Variants in HSPA9 observed in about 807,000 individuals in gnomAD.
The protein encoded by HSPA9 is stress-70 protein, mitochondrial.
HSPA9 carries 28 observed loss-of-function variants against 81.5 expected under a neutral mutation model. The observed-to-expected ratio is 0.34, with a 90% confidence interval of 0.25 to 0.47. The LOEUF is 0.47. HSPA9 is among the 20% of genes least tolerant of loss of function. The pLI, the probability that HSPA9 is intolerant of heterozygous loss-of-function variation, is 1.00. For synonymous variants in HSPA9, 293 were observed against 290.4 expected, an observed-to-expected ratio of 1.01 and a Z score of -0.09; for missense variants, 678 against 838.0, an observed-to-expected ratio of 0.81 and a Z score of 2.36.
chr5:138,558,930 T>C (rs1457151661), intron 11 of HSPA9: 1 of 393,520 alleles, frequency 2.5e-6, no homozygotes, highest in South Asian at 2.3e-5. Context: ...TGTTGAAACA[T>C]GCTCATCTGG....
intron 2 of HSPA9, 88 bp downstream of exon 2, chr5:138,573,966 ATACAGATAAATAAT>A (rs1299706206): frequency 4.8e-6 from 6 of 1,241,786 alleles, no homozygotes; most frequent in Non-Finnish European, 7.0e-6. Flanking sequence ...CTCTAAATAA[ATACAGATAAATAAT>A]TACAGAGAAG....
rs1006688878 is a variant in HSPA9, at chr5:138,555,486, G to A, written c.*551C>T. ...AAAGGTCTAGCCTCATTCCTACCTT[G>A]TTTTAATAGCTGTACCTAATATAAA... On this transcript the variant is annotated 3_prime_UTR_variant, in exon 17 of 17. Transcript: ENST00000297185. 6.2e-6 allele frequency: 1 copy of A among 162,352 alleles called. No individual in the cohort carries two copies. Among genetic ancestry groups the A allele is most frequent in the African/African-American group, 2.4e-5 (1 of 41,492 alleles). 10.1% of individuals were successfully genotyped at this position (162,352 alleles called of 1,614,324 possible). A position where few individuals can be genotyped will look rare whatever the true frequency, so the allele number is the denominator to read the frequency against.
Position 138,566,621 on chromosome 5 carries a change from C to T in HSPA9, c.972+5G>A. 6.2e-7 allele frequency: 1 copy of T among 1,602,512 alleles called. No individual in the cohort carries two copies. Among genetic ancestry groups the T allele is most frequent in the Non-Finnish European group, 8.5e-7 (1 of 1,169,700 alleles). On this transcript the variant is annotated splice_donor_5th_base_variant and intron_variant, in intron 9 of 16. Transcript: ENST00000297185. ...TCAAGACTGCTCGAATTTTCCGTGT[C>T]TCACCTGCACAGATGAGGAGAGTTC... is the stretch of plus-strand genomic sequence containing the variant.
At position 138,566,678 on chromosome 5, in the gene HSPA9, C is replaced by T. The variant is rs1174385426; in HGVS notation, c.920G>A (p.Arg307Lys). 1 of 1,614,084 alleles carries T rather than the reference C, an allele frequency of 6.2e-7. No individual in the cohort carries two copies. ...DLTKDNMALQ[R>K]VREAAEKAKC... is the part of the protein sequence containing the mutation. ...AGCCTTTTCAGCAGCTTCCCGTACC[C>T]TCTGAAGTGCCATGTTGTCTTTAGT... The change falls in exon 9 of 17, where the codon AGG becomes AAG. Residue 307 changes from arginine (R) to lysine (K), a missense_variant. Arg to Lys is a conservative substitution (Grantham distance 26). Coordinates refer to ENST00000297185, the MANE Select transcript of HSPA9 (RefSeq NM_004134.7).
rs201439685 is a variant in HSPA9, at chr5:138,575,283, G to C, written c.36C>G (p.Leu12=). 2.4e-5 allele frequency: 39 copies of C among 1,611,910 alleles called. No individual in the cohort carries two copies. The East Asian group carries it at 8.7e-4, about 36-fold the overall frequency. ...ISASRAAAAR[L]VGAAASRGPT... is the part of the protein sequence containing the mutation. Reference sequence around the variant, plus strand: ...GGCCCCGGGAGGCTGCGGCGCCCACGAGACGGGCTGCTGCAGCTCGGCTGG... The same window carrying C: ...GGCCCCGGGAGGCTGCGGCGCCCACCAGACGGGCTGCTGCAGCTCGGCTGG... The change falls in exon 1 of 17, where the codon CTC becomes CTG. Residue 12 remains leucine (L), a synonymous_variant. Coordinates refer to ENST00000297185, the MANE Select transcript of HSPA9 (RefSeq NM_004134.7).
In HSPA9 at chr5:138,560,689, T is replaced by C. The variant is rs147856192; in HGVS notation, c.1183-598A>G. ...CATTCTCCTACCTCAGCCTCCCAAG[T>C]AGCTGGGACTACAGGCGCCCACCAA... is the stretch of plus-strand genomic sequence containing the variant. On this transcript the variant is annotated intron_variant, in intron 10 of 16. Coordinates refer to ENST00000297185, the MANE Select transcript of HSPA9 (RefSeq NM_004134.7). 278 of 224,424 alleles carry C rather than the reference T, an allele frequency of 1.2e-3. 2 individuals are homozygous for C. The highest frequency in any genetic ancestry group is 6.2e-3 in the African/African-American group (267 of 42,926). The allele number at this position is 224,424 out of a possible 1,614,324, so 13.9% of individuals were successfully genotyped here. A position where few individuals can be genotyped will look rare whatever the true frequency, so the allele number is the denominator to read the frequency against.
At position 138,555,817 on chromosome 5, in the gene HSPA9, G is replaced by A. The variant is rs768125046; in HGVS notation, c.*220C>T. ...TTTTACATGCAGCTGAAAAATGACA[G>A]GCTAGGGACATAGAATATTGTGAAC... On this transcript the variant is annotated 3_prime_UTR_variant, in exon 17 of 17. Transcript: ENST00000297185. The A allele has an allele frequency of 1.2e-5, 7 of 581,352 alleles. No homozygotes were observed. The highest frequency in any genetic ancestry group is 2.1e-5 in the Non-Finnish European group (7 of 327,566). The allele number at this position is 581,352 out of a possible 1,614,324, so 36.0% of individuals were successfully genotyped here.
Position 138,567,540 on chromosome 5 carries a change from T to C in HSPA9, c.631A>G (p.Ile211Val), listed in dbSNP as rs1301334156. 13 of 1,614,092 alleles carry C rather than the reference T, an allele frequency of 8.1e-6. No homozygotes were observed. The highest frequency in any genetic ancestry group is 1.7e-5 in the Admixed American group (1 of 60,022). ...QRQATKDAGQ[I>V]SGLNVLRVIN... Reference sequence around the variant, plus strand: ...ACCCGAAGCACATTCAGTCCAGATATCTGGCCAGCATCTTTAGTGGCCTAG... The same window carrying C: ...ACCCGAAGCACATTCAGTCCAGATACCTGGCCAGCATCTTTAGTGGCCTAG... Residue 211 changes from isoleucine (I) to valine (V), a missense_variant, in exon 7 of 17, where the codon ATA (isoleucine) becomes GTA (valine). By Grantham distance (29) the Ile-to-Val change is conservative. Coordinates refer to ENST00000297185, the MANE Select transcript of HSPA9 (RefSeq NM_004134.7).
Position 138,560,176 on chromosome 5 carries a change from C to A in HSPA9, c.1183-85G>T, listed in dbSNP as rs1750623917. On this transcript the variant is annotated intron_variant, in intron 10 of 16. Coordinates refer to ENST00000297185, the MANE Select transcript of HSPA9 (RefSeq NM_004134.7). ...AAAGGGAGCACGTGTCCTACGCTCC[C>A]AGCCAGATCTCAAGACAGGCTAACT... The A allele has an allele frequency of 6.6e-6, 6 of 907,398 alleles. No homozygotes were observed. The East Asian group carries it at 1.5e-4, about 23-fold the overall frequency. 56.2% of individuals were successfully genotyped at this position (907,398 alleles called of 1,614,324 possible).
intron 10 of HSPA9, chr5:138,560,992 C>A: frequency 2.2e-6 from 1 of 459,832 alleles, no homozygotes; most frequent in Middle Eastern, 3.3e-4. Flanking sequence ...TATCTTAGGT[C>A]CAAGATAATC....
At chr5:138,556,721 G>A (rs1159287220) in intron 15 of HSPA9, 53 bp downstream of exon 15, 1 of 1,558,456 alleles carries the variant, frequency 6.4e-7, no homozygotes, top group Non-Finnish European at 8.9e-7. Flanking sequence ...AAACTTCACT[G>A]GCATTGGTAA....
At chr5:138,561,069 G>T (rs764615071) in intron 10 of HSPA9, 1 of 500,088 alleles carries the variant, frequency 2.0e-6, no homozygotes, top group South Asian at 1.4e-5. Context: ...TTTTCCACAC[G>T]TTCTTTCAGA....
Position 138,574,791 on chromosome 5 carries a change from G to A in HSPA9, c.81+447C>T, listed in dbSNP as rs183260226. 1.3e-3 allele frequency: 229 copies of A among 177,714 alleles called. 2 individuals carry two copies. Among genetic ancestry groups the A allele is most frequent in the African/African-American group, 5.3e-3 (222 of 42,116 alleles). The allele number at this position is 177,714 out of a possible 1,614,324, so 11.0% of individuals were successfully genotyped here. On this transcript the variant is annotated intron_variant, in intron 1 of 16. Coordinates refer to ENST00000297185, the MANE Select transcript of HSPA9 (RefSeq NM_004134.7). The stretch of plus-strand genomic sequence containing the variant: ...CTTACACCACAGATTTTGAGAAAAT[G>A]TTGCTAAGCACGAAAACTGGAGTTC...
intron 9 of HSPA9, among the ~76,000 whole-genome samples, chr5:138,563,495 A>G (rs982237328): frequency 2.0e-5 from 3 of 152,044 alleles, no homozygotes; most frequent in Non-Finnish European, 4.4e-5. Flanking sequence ...TCTCACTCTC[A>G]TCCAAGTCTT....
rs1750521816 is a variant in HSPA9, at chr5:138,556,469, C to T, written c.1945G>A (p.Glu649Lys). The T allele has an allele frequency of 3.7e-6, 6 of 1,613,850 alleles. No individual in the cohort carries two copies. The highest frequency in any genetic ancestry group is 2.7e-5 in the African/African-American group (2 of 75,032). The change falls in exon 16 of 17, where the codon GAA (glutamate) becomes AAA (lysine). Residue 649 changes from glutamate (E) to lysine (K), a missense_variant. By Grantham distance (56) the Glu-to-Lys change is moderately conservative (BLOSUM62 1). Coordinates refer to ENST00000297185, the MANE Select transcript of HSPA9 (RefSeq NM_004134.7). ...CCTTGTACCTTTTTGTATGCCATTT[C>T]GAACAGCTTCAGTGATGCCTGCTGA... ...SLQQASLKLF[E>K]MAYKKMASER...
chr5:138,573,203 A>G (rs906418155), intron 3 of HSPA9, among the ~76,000 whole-genome samples: 8 of 151,574 alleles, frequency 5.3e-5, no homozygotes, highest in Non-Finnish European at 1.0e-4. Context: ...AATTTTTTGC[A>G]TTTTTAGTAG....
chr5:138,556,539 T>C lies in HSPA9; in HGVS notation c.1875A>G (p.Lys625=), dbSNP rs1198175205. Reference sequence around the variant, plus strand: ...TAATATTTTCTCCTGTTTCGCTGTCTTTTCTAGCCAGGAGCTCCCTCATTT... The same window carrying C: ...TAATATTTTCTCCTGTTTCGCTGTCCTTTCTAGCCAGGAGCTCCCTCATTT... ...ISKMRELLAR[K]DSETGENIRQ... Residue 625 remains lysine (K), a synonymous_variant, in exon 16 of 17, where the codon AAA becomes AAG. Transcript: ENST00000297185. The C allele has an allele frequency of 2.5e-6, 4 of 1,613,974 alleles. No individual in the cohort carries two copies. The highest frequency in any genetic ancestry group is 3.4e-6 in the Non-Finnish European group (4 of 1,180,002).
chr5:138,566,807 A>C (rs1371157466), intron 8 of HSPA9, 89 bp from the exon 9 acceptor site: 1 of 1,143,158 alleles, frequency 8.7e-7, no homozygotes, highest in Non-Finnish European at 1.3e-6. Context: ...CACAAAATGG[A>C]GTCATACCTT....
At chr5:138,566,497 A>T (rs1750765270) in intron 9 of HSPA9, 129 bp downstream of exon 9, 1 of 753,410 alleles carries the variant, frequency 1.3e-6, no homozygotes. Flanking sequence ...TCTAGAAACC[A>T]GAAAACTGAA....
Sources: allele counts gnomAD v4.1 joint callset (sites outside exome capture counted in the v4.1 genomes callset), GRCh38; gene constraint gnomAD v4.1.1; transcripts MANE v1.5; gene names NCBI Gene and HGNC (gene_info 2026-07-23, HGNC 2026-07-21).